Variants in SPATA13 observed in about 807,000 individuals in gnomAD.
SPATA13 encodes spermatogenesis-associated protein 13.
Under a neutral mutation model 104.0 loss-of-function variants are expected in SPATA13, and 50 were observed. The ratio of observed to expected loss-of-function variants is 0.48; its 90% CI spans 0.38 to 0.61. The LOEUF is 0.61. Among genes scored for constraint, SPATA13 ranks in the 20% least tolerant of loss-of-function variants. The pLI is 0.00. For missense variants in SPATA13, 1,524 were observed against 1,690.6 expected (o/e 0.90, Z 1.73); for synonymous variants, 606 against 667.5 (o/e 0.91, Z 1.42).
intron 3 of SPATA13, among the ~76,000 whole-genome samples, chr13:24,105,113 G>A (rs1453284883): frequency 2.7e-5 from 3 of 112,358 alleles, no homozygotes; most frequent in African/African-American, 1.1e-4. Context: ...TCTTACAATC[G>A]TTTTGTTTTG....
chr13:24,145,034 T>G (rs180691551), intron 3 of SPATA13, among the ~76,000 whole-genome samples: 2 of 152,238 alleles, frequency 1.3e-5, no homozygotes, highest in East Asian at 3.9e-4. Context: ...GAAAGGGACA[T>G]TGTGAATATA....
intron 4 of SPATA13, chr13:24,270,992 C>T (rs1874555759): frequency 1.6e-5 from 14 of 851,314 alleles, no homozygotes; most frequent in East Asian, 2.8e-5. Context: ...CAGTTCTTCC[C>T]CTCTCTCTCT....
In SPATA13 at chr13:24,161,187, T is replaced by G. The variant is rs1264943785; in HGVS notation, c.-112+255T>G. ...CGGCACCATCGCTTTTGGGAGGACA[T>G]GCACGTGGTGTTCTCGCAAAAGGCC... is the stretch of plus-strand genomic sequence containing the variant. On this transcript the variant is annotated intron_variant, in intron 1 of 12. Transcript: ENST00000382108. The surrounding 1 kb of genome is among the most constrained non-coding windows in gnomAD (Gnocchi z 4.5). Among the ~76,000 whole-genome samples, 2 of 152,118 alleles carry G rather than the reference T, an allele frequency of 1.3e-5. No homozygotes were observed. The highest frequency in any genetic ancestry group is 2.9e-5 in the Non-Finnish European group (2 of 68,016).
Position 24,189,884 on chromosome 13 carries a change from A to G in SPATA13, c.-112+28952A>G, listed in dbSNP as rs552114792. Among the ~76,000 whole-genome samples the G allele has an allele frequency of 1.2e-3, 25 of 21,240 alleles. 4 individuals are homozygous for G. Among genetic ancestry groups the G allele is most frequent in the Non-Finnish European group, 1.8e-3 (10 of 5,614 alleles). 13.9% of individuals were successfully genotyped at this position (21,240 alleles called of 152,430 possible). ...ATCATATATAATATAATTATATATC[A>G]TAATATATATTATATAATTATATTA... On this transcript the variant is annotated intron_variant, in intron 1 of 12. Coordinates refer to ENST00000382108, the MANE Select transcript of SPATA13 (RefSeq NM_001166271.3).
chr13:24,052,329 A>G (rs1878373622), intron 3 of SPATA13, among the ~76,000 whole-genome samples: 1 of 152,192 alleles, frequency 6.6e-6, no homozygotes, highest in South Asian at 2.1e-4. Context: ...GCTTGAGGCC[A>G]GGAGTTTGAG....
At chr13:24,163,830 G>T (rs1002904707) in intron 1 of SPATA13, among the ~76,000 whole-genome samples, 3 of 152,212 alleles carry the variant, frequency 2.0e-5, no homozygotes, top group African/African-American at 7.2e-5. Flanking sequence ...TCTGTTTGCT[G>T]CTGGAAGCAA....
At chr13:24,108,098 C>T (rs929728532) in intron 3 of SPATA13, among the ~76,000 whole-genome samples, 3 of 152,162 alleles carry the variant, frequency 2.0e-5, no homozygotes, top group Non-Finnish European at 4.4e-5. Context: ...TGCTGCTGTG[C>T]CCTCTGGAGG....
chr13:24,279,141 A>G (rs1875290053), intron 4 of SPATA13, among the ~76,000 whole-genome samples: 1 of 152,176 alleles, frequency 6.6e-6, no homozygotes, highest in Admixed American at 6.5e-5. Context: ...TATGGAGAAA[A>G]CTAAACCAGG....
intron 1 of SPATA13, among the ~76,000 whole-genome samples, chr13:24,199,073 G>A (rs1404662490): frequency 6.6e-6 from 1 of 151,288 alleles, no homozygotes; most frequent in African/African-American, 2.4e-5. Flanking sequence ...ATTTTTTACA[G>A]AGACAGGATT....
chr13:24,165,529 C>T (rs917049888), intron 1 of SPATA13, among the ~76,000 whole-genome samples: 6 of 152,158 alleles, frequency 3.9e-5, no homozygotes, highest in African/African-American at 1.4e-4. Flanking sequence ...GGTTCCTGGG[C>T]CACCCAGTCT....
At chr13:24,215,508 AT>A (rs2138596532) in intron 1 of SPATA13, among the ~76,000 whole-genome samples, 1 of 152,192 alleles carries the variant, frequency 6.6e-6, no homozygotes, top group African/African-American at 2.4e-5. Flanking sequence ...AATTAATCTC[AT>A]TTCCTCAGAA....
rs139301526 is a variant in SPATA13, at chr13:24,255,074, C to T, written c.2164+3212C>T. Among the ~76,000 whole-genome samples, 7 of 152,324 alleles carry T rather than the reference C, an allele frequency of 4.6e-5. No individual in the cohort carries two copies. The East Asian group carries it at 9.6e-4, about 21-fold the overall frequency. ...ATTCCTCCAGGCCATTCAGCCAGGC[C>T]ATTAGCTCCTAACCAGGAGTGCGCA... On this transcript the variant is annotated intron_variant, in intron 4 of 12. Coordinates refer to ENST00000382108, the MANE Select transcript of SPATA13 (RefSeq NM_001166271.3).
intron 3 of SPATA13, among the ~76,000 whole-genome samples, chr13:24,116,161 G>C (rs1880829785): frequency 6.6e-6 from 1 of 152,226 alleles, no homozygotes; most frequent in Non-Finnish European, 1.5e-5. Flanking sequence ...CCACAGTTCT[G>C]TAGGCTGGGA....
intron 3 of SPATA13, among the ~76,000 whole-genome samples, chr13:24,116,202 C>T (rs982083633): frequency 6.6e-6 from 1 of 152,224 alleles, no homozygotes; most frequent in African/African-American, 2.4e-5. Flanking sequence ...GCAGGTTCAG[C>T]GTCTGCTAAG....
At position 24,111,354 on chromosome 13, in the gene SPATA13, C is replaced by A. The variant is rs1407392954; in HGVS notation, c.-112+93653C>A. Among the ~76,000 whole-genome samples, 4 of 152,136 alleles carry A rather than the reference C, an allele frequency of 2.6e-5. No individual in the cohort carries two copies. The East Asian group carries it at 7.7e-4, about 29-fold the overall frequency. On this transcript the variant is annotated intron_variant, in intron 3 of 14. Transcript: ENST00000424834. ...TTTTATCTCTCTAACATGAATCTTG[C>A]CTCCTGGAATCTATCCTTCCAGGGG...
chr13:24,257,456 A>G (rs1873846740), intron 4 of SPATA13, among the ~76,000 whole-genome samples: 1 of 152,248 alleles, frequency 6.6e-6, no homozygotes. Context: ...CAGATAATAA[A>G]AGAGGAAAGT....
At chr13:24,066,521 G>A (rs1352600530) in intron 3 of SPATA13, among the ~76,000 whole-genome samples, 2 of 152,228 alleles carry the variant, frequency 1.3e-5, no homozygotes, top group African/African-American at 4.8e-5. Flanking sequence ...TTACCACCCT[G>A]GGACAAACCT....
chr13:23,996,129 C>A (rs73162129), intron 2 of SPATA13, among the ~76,000 whole-genome samples: 12,339 of 152,114 alleles, frequency 0.081, 537 homozygotes, highest in Non-Finnish European at 0.093. Flanking sequence ...GTAACAAGTT[C>A]CCAGGAACCT....
In SPATA13 at chr13:24,103,348, C is replaced by CGGTG. The variant is rs112938457; in HGVS notation, c.-112+85649_-112+85652dup. ...TATCATGTACAGTATAGGCTGGGTG[C>CGGTG]GGTGGCTTGCACCTTAATCTCAGCA... is the stretch of plus-strand genomic sequence containing the variant. On this transcript the variant is annotated intron_variant, in intron 3 of 14. Coordinates refer to the SPATA13 transcript ENST00000424834. 5.9e-3 allele frequency among the ~76,000 whole-genome samples: 894 copies of CGGTG among 151,692 alleles called. 22 individuals carry two copies. The highest frequency in any genetic ancestry group is 0.02 in the African/African-American group (837 of 41,350).
Sources: allele counts gnomAD v4.1 joint callset (sites outside exome capture counted in the v4.1 genomes callset), GRCh38; gene constraint gnomAD v4.1.1; non-coding constraint Gnocchi (gnomAD v3.1); transcripts MANE v1.5; gene names NCBI Gene and HGNC (gene_info 2026-07-23, HGNC 2026-07-21).